The following STXBP5L variants were observed in gnomAD, a reference collection of about 807,000 sequenced individuals.
STXBP5L encodes the protein syntaxin binding protein 5L.
Under a neutral mutation model 144.5 loss-of-function variants are expected in STXBP5L, and 65 were observed. That is an observed-to-expected ratio of 0.45 (90% CI 0.37 to 0.55). The LOEUF (loss-of-function observed/expected upper bound fraction) is 0.55, where lower values mean the gene tolerates loss of function less well. Among genes scored for constraint, STXBP5L ranks in the 20% least tolerant of loss-of-function variants. The pLI is 0.00. For missense variants in STXBP5L, 1,298 were observed against 1,405.5 expected (o/e 0.92, Z 1.22); for synonymous variants, 505 against 469.6 (o/e 1.08, Z -0.97).
intron 21 of STXBP5L, among the ~76,000 whole-genome samples, chr3:121,379,713 G>A (rs2046280189): frequency 6.6e-6 from 1 of 152,122 alleles, no homozygotes; most frequent in Admixed American, 6.6e-5. Flanking sequence ...TCTAACAGGT[G>A]TCTGTGAGTA....
At chr3:121,128,186 TG>T (rs2044802535) in intron 7 of STXBP5L, among the ~76,000 whole-genome samples, 1 of 152,078 alleles carries the variant, frequency 6.6e-6, no homozygotes, top group South Asian at 2.1e-4. Context: ...TTTATTTTTA[TG>T]GGGGCAGTTA....
chr3:121,411,603 T>C (rs574621686), intron 23 of STXBP5L, among the ~76,000 whole-genome samples: 2 of 152,214 alleles, frequency 1.3e-5, no homozygotes, highest in East Asian at 1.9e-4. Flanking sequence ...CATATAGCCA[T>C]GGGGTAAGAC....
At chr3:121,195,136 G>C (rs577621055) in intron 9 of STXBP5L, among the ~76,000 whole-genome samples, 1 of 151,846 alleles carries the variant, frequency 6.6e-6, no homozygotes, top group African/African-American at 2.4e-5. Context: ...ATGTTGGCCA[G>C]GATGGTCTCG....
At chr3:121,261,841 G>A (rs2050391871) in intron 18 of STXBP5L, among the ~76,000 whole-genome samples, 1 of 152,152 alleles carries the variant, frequency 6.6e-6, no homozygotes, top group Non-Finnish European at 1.5e-5. Context: ...AAAAATAAGA[G>A]AAGTTTCTTA....
At chr3:120,988,407 C>A (rs990740013) in intron 3 of STXBP5L, among the ~76,000 whole-genome samples, 1 of 151,680 alleles carries the variant, frequency 6.6e-6, no homozygotes, top group African/African-American at 2.4e-5. Context: ...GTTTGGAAAC[C>A]TTCTTCTTGT....
At chr3:121,415,023 AG>A (rs2047199658) in intron 24 of STXBP5L, among the ~76,000 whole-genome samples, 1 of 152,160 alleles carries the variant, frequency 6.6e-6, no homozygotes, top group Non-Finnish European at 1.5e-5. Flanking sequence ...ATTTCCAAAG[AG>A]AAGGGCTTCA....
intron 5 of STXBP5L, among the ~76,000 whole-genome samples, chr3:121,098,611 C>T (rs974981117): frequency 2.0e-5 from 3 of 152,156 alleles, no homozygotes; most frequent in African/African-American, 7.2e-5. Context: ...ACACTCAAAC[C>T]GTATTATGAG....
At chr3:121,276,892 TTGTC>T (rs1226295967) in intron 18 of STXBP5L, among the ~76,000 whole-genome samples, 2 of 152,050 alleles carry the variant, frequency 1.3e-5, no homozygotes, top group African/African-American at 4.8e-5. Context: ...TCTTCAAATT[TTGTC>T]TGTCATTTAT....
chr3:121,347,799 A>G (rs1192899773), intron 20 of STXBP5L, among the ~76,000 whole-genome samples: 3 of 152,100 alleles, frequency 2.0e-5, no homozygotes, highest in Non-Finnish European at 4.4e-5. Context: ...ATTTTTGCAC[A>G]TTGATTTTGT....
At position 121,422,945 on chromosome 3, in the gene STXBP5L, G is replaced by A. The variant is rs2047384094; in HGVS notation, c.*3848G>A. 1.3e-5 allele frequency: 2 copies of A among 151,972 alleles called. No individual in the cohort carries two copies. The highest frequency in any genetic ancestry group is 4.2e-4 in the South Asian group (2 of 4,810). 9.4% of individuals were successfully genotyped at this position (151,972 alleles called of 1,614,324 possible). On this transcript the variant is annotated 3_prime_UTR_variant, in exon 27 of 27. Coordinates refer to ENST00000471454, the MANE Select transcript of STXBP5L (RefSeq NM_001308330.2). ...AAAGAATCAGATTAGGCCTAACATT[G>A]GTTGAAGAAGATTAAAATAGATTCT...
chr3:120,940,390 A>G (rs1160938576), intron 2 of STXBP5L, among the ~76,000 whole-genome samples: 2 of 151,954 alleles, frequency 1.3e-5, no homozygotes, highest in East Asian at 3.9e-4. Context: ...GAAATGGAAT[A>G]CCAAATTTGA....
At chr3:121,106,212 C>T (rs373538383) in intron 5 of STXBP5L, among the ~76,000 whole-genome samples, 3 of 152,108 alleles carry the variant, frequency 2.0e-5, no homozygotes, top group South Asian at 2.1e-4. Context: ...TGAAGAAAAA[C>T]GGATGTGTGT....
At position 121,206,019 on chromosome 3, in the gene STXBP5L, AG is replaced by A; in HGVS notation, c.956+21del. On this transcript the variant is annotated intron_variant, in intron 10 of 26. Transcript: ENST00000471454. Reference sequence around the variant, plus strand: ...AAAAACAGGTATGCATTTTTACTTTAGGGAAAGAGGGATACGAAGCAGAGAC... The same window carrying A: ...AAAAACAGGTATGCATTTTTACTTTAGGAAAGAGGGATACGAAGCAGAGAC... The A allele has an allele frequency of 7.1e-7, 1 of 1,408,842 alleles. No individual in the cohort carries two copies. The highest frequency in any genetic ancestry group is 9.5e-7 in the Non-Finnish European group (1 of 1,054,346). The allele number at this position is 1,408,842 out of a possible 1,614,324, so 87.3% of individuals were successfully genotyped here. A position where few individuals can be genotyped will look rare whatever the true frequency, so the allele number is the denominator to read the frequency against.
chr3:121,178,217 AC>A (rs1166132911), intron 9 of STXBP5L, among the ~76,000 whole-genome samples: 2 of 152,216 alleles, frequency 1.3e-5, no homozygotes, highest in Non-Finnish European at 2.9e-5. Flanking sequence ...TTCTTGCACA[AC>A]AATGTGAATC....
At chr3:121,126,908 C>G (rs1020518686) in intron 7 of STXBP5L, among the ~76,000 whole-genome samples, 1 of 152,194 alleles carries the variant, frequency 6.6e-6, no homozygotes, top group Non-Finnish European at 1.5e-5. Flanking sequence ...AATCCAACAG[C>G]ATAGTATCTC....
At chr3:121,240,943 T>C (rs2108336092) in intron 14 of STXBP5L, among the ~76,000 whole-genome samples, 1 of 152,242 alleles carries the variant, frequency 6.6e-6, no homozygotes, top group Admixed American at 6.5e-5. Context: ...TGTTTTAATA[T>C]TAGGAACAAA....
intron 5 of STXBP5L, among the ~76,000 whole-genome samples, chr3:121,058,611 A>G (rs565555681): frequency 7.9e-5 from 12 of 152,146 alleles, no homozygotes; most frequent in South Asian, 2.1e-4. Context: ...AAGTGTTCCT[A>G]TTTCTCCAAA....
intron 22 of STXBP5L, among the ~76,000 whole-genome samples, chr3:121,392,389 C>T (rs1377785249): frequency 1.3e-5 from 2 of 152,134 alleles, no homozygotes; most frequent in Non-Finnish European, 2.9e-5. Context: ...CCTGCTTCAG[C>T]TCACTCTCCG....
chr3:121,369,713 G>A (rs1464491121), intron 20 of STXBP5L, among the ~76,000 whole-genome samples: 1 of 152,052 alleles, frequency 6.6e-6, no homozygotes. Flanking sequence ...ATCCACTTTA[G>A]TCTGATGGGC....
Sources: allele counts gnomAD v4.1 joint callset (sites outside exome capture counted in the v4.1 genomes callset), GRCh38; gene constraint gnomAD v4.1.1; transcripts MANE v1.5; gene names NCBI Gene and HGNC (gene_info 2026-07-23, HGNC 2026-07-21).